UBR2: variants seen among roughly 807,000 people sequenced by gnomAD.
The protein encoded by UBR2 is E3 ubiquitin-protein ligase UBR2.
A neutral mutation model predicts 247.9 loss-of-function variants in UBR2; 92 were observed. The observed-to-expected ratio is 0.37, with a 90% confidence interval of 0.31 to 0.44. The LOEUF (loss-of-function observed/expected upper bound fraction) is 0.44. Among genes scored for constraint, UBR2 ranks in the 20% least tolerant of loss-of-function variants. UBR2 has a pLI of 1.00. For missense variants in UBR2, 1,613 were observed against 2,112.6 expected (o/e 0.76, Z 4.64); for synonymous variants, 672 against 693.5 (o/e 0.97, Z 0.49).
chr6:42,578,493 G>A (rs1791662780), intron 2 of UBR2, among the ~76,000 whole-genome samples: 1 of 152,062 alleles, frequency 6.6e-6, no homozygotes, highest in East Asian at 1.9e-4. Context: ...AGTGTCTTTA[G>A]CAATGATTTT....
intron 2 of UBR2, among the ~76,000 whole-genome samples, chr6:42,586,207 A>C (rs992047195): frequency 2.6e-5 from 4 of 151,856 alleles, no homozygotes; most frequent in Non-Finnish European, 5.9e-5. Flanking sequence ...TCTACCAAAA[A>C]AAAAAAAATA....
In UBR2 at chr6:42,632,873, A is replaced by G; in HGVS notation, c.1514A>G (p.Asp505Gly). The change falls in exon 13 of 47, where the codon GAT becomes GGT. Residue 505 changes from aspartate to glycine, a missense_variant. Around this residue, in one of 3 missense-constraint regions of UBR2, gnomAD observed 1,524 missense variants for 1,967.3 expected, o/e 0.77. Coordinates refer to ENST00000372901, the MANE Select transcript of UBR2 (RefSeq NM_001363705.2). ...AGGCAGAAGTTCCTAGAAGGGTTTG[A>G]TGCCTTTTTGGAATTACTAAAATGT... is the stretch of plus-strand genomic sequence containing the variant. ...ELRQKFLEGF[D>G]AFLELLKCMQ... 1.3e-6 allele frequency: 2 copies of G among 1,588,444 alleles called. No individual in the cohort carries two copies. The highest frequency in any genetic ancestry group is 2.7e-5 in the African/African-American group (2 of 73,216).
rs1796356829 is a variant in UBR2 at position 42,640,386 on chromosome 6, GTGTGT to G, written c.1920+117_1920+121del. On this transcript the variant is annotated intron_variant, in intron 16 of 46. Transcript: ENST00000372901. ...TCCAGAGGAACAGAACCAGTAAGGT[GTGTGT>G]GTGTGTGTGTGTGTGTGTGTGTGTG... 6.1e-3 allele frequency: 2,822 copies of G among 461,184 alleles called. 149 individuals carry two copies. The highest frequency in any genetic ancestry group is 0.013 in the African/African-American group (560 of 44,290). 28.6% of individuals were successfully genotyped at this position (461,184 alleles called of 1,614,324 possible). A position where few individuals can be genotyped will look rare whatever the true frequency, so the allele number is the denominator to read the frequency against.
At chr6:42,587,144 A>C (rs1792339331) in intron 2 of UBR2, among the ~76,000 whole-genome samples, 3 of 152,122 alleles carry the variant, frequency 2.0e-5, no homozygotes, top group Middle Eastern at 6.8e-3. Context: ...CTTACAATGC[A>C]ATGTTACAAT....
intron 34 of UBR2, among the ~76,000 whole-genome samples, chr6:42,667,067 AC>A (rs1251688977): frequency 6.6e-6 from 1 of 152,062 alleles, no homozygotes; most frequent in Non-Finnish European, 1.5e-5. Context: ...ATAGAAAAAA[AC>A]ATCATGCCTA....
In UBR2 at chr6:42,691,108, G is replaced by A. The variant is rs1799729391; in HGVS notation, c.5203G>A (p.Glu1735Lys). 6.2e-7 allele frequency: 1 copy of A among 1,614,236 alleles called. No homozygotes were observed. The highest frequency in any genetic ancestry group is 8.5e-7 in the Non-Finnish European group (1 of 1,180,044). Reference sequence around the variant, plus strand: ...GCTCTGGCACCAACACAGTGTCACAGAGGAAATTGGACATGCACAGGAAGC... The same window carrying A: ...GCTCTGGCACCAACACAGTGTCACAAAGGAAATTGGACATGCACAGGAAGC... ...QKLWHQHSVT[E>K]EIGHAQEANQ... The change falls in exon 47 of 47, where the codon GAG becomes AAG. Residue 1735 changes from glutamate (E) to lysine (K), a missense_variant. Transcript: ENST00000372901.
chr6:42,599,622 TTG>T (rs1793230077), intron 4 of UBR2, among the ~76,000 whole-genome samples: 1 of 18,864 alleles, frequency 5.3e-5, no homozygotes, highest in Non-Finnish European at 1.1e-4. Flanking sequence ...GTTTTTTTTG[TTG>T]TTGTTGTTGT....
intron 38 of UBR2, among the ~76,000 whole-genome samples, chr6:42,674,633 A>C (rs1034788212): frequency 5.3e-5 from 8 of 152,050 alleles, no homozygotes; most frequent in Non-Finnish European, 1.2e-4. Context: ...GTGGTGGCAC[A>C]TGCCTGTAAT....
chr6:42,666,557 A>G (rs1415643669), intron 34 of UBR2, among the ~76,000 whole-genome samples: 2 of 152,100 alleles, frequency 1.3e-5, no homozygotes, highest in East Asian at 1.9e-4. Context: ...AAAAAAATCT[A>G]AGAACCATGT....
intron 11 of UBR2, chr6:42,620,438 A>C (rs943175043): frequency 1.3e-5 from 2 of 151,028 alleles, no homozygotes; most frequent in African/African-American, 4.9e-5. Flanking sequence ...ATATACTACA[A>C]ATATTTTTTC....
At chr6:42,573,575 T>C (rs555817628) in intron 1 of UBR2, among the ~76,000 whole-genome samples, 159 bp from the exon 2 acceptor site, 5 of 152,336 alleles carry the variant, frequency 3.3e-5, no homozygotes, top group African/African-American at 9.6e-5. Flanking sequence ...CTTGGCATTT[T>C]AATAGATTAA....
intron 44 of UBR2, among the ~76,000 whole-genome samples, chr6:42,685,579 C>T (rs1268349158): frequency 6.6e-6 from 1 of 151,746 alleles, no homozygotes; most frequent in Non-Finnish European, 1.5e-5. Flanking sequence ...ATTCTTGTAC[C>T]TCAGCCTCCT....
At chr6:42,630,099 G>A (rs1434013389) in intron 11 of UBR2, among the ~76,000 whole-genome samples, 3 of 151,232 alleles carry the variant, frequency 2.0e-5, no homozygotes, top group Non-Finnish European at 4.4e-5. Context: ...ATGAACCATC[G>A]TAGTAGTAGT....
chr6:42,565,715 C>G (rs1790739898), intron 1 of UBR2, among the ~76,000 whole-genome samples: 1 of 152,048 alleles, frequency 6.6e-6, no homozygotes, highest in Admixed American at 6.6e-5. Context: ...CATGCACCAC[C>G]ACGCCCGGCT....
intron 1 of UBR2, among the ~76,000 whole-genome samples, chr6:42,572,886 G>A (rs1262595171): frequency 6.6e-6 from 1 of 152,064 alleles, no homozygotes; most frequent in Non-Finnish European, 1.5e-5. Flanking sequence ...TATATTTTTA[G>A]TAGAGAAGAG....
chr6:42,619,453 A>ATATATATATATATATATAT, intron 11 of UBR2: 1 of 23,716 alleles, frequency 4.2e-5, no homozygotes, highest in African/African-American at 1.2e-4. Context: ...ATATATATAT[A>ATATATATATATATATATAT]TTTTTTTTTT....
intron 11 of UBR2, among the ~76,000 whole-genome samples, chr6:42,620,615 A>G (rs1794928412): frequency 6.9e-6 from 1 of 144,984 alleles, no homozygotes; most frequent in East Asian, 2.1e-4. Context: ...ATGCGTGCCC[A>G]GCTAAGTTTT....
At position 42,583,013 on chromosome 6, in the gene UBR2, A is replaced by G. The variant is rs1792009837; in HGVS notation, c.338+9020A>G. Among the ~76,000 whole-genome samples, 4 of 151,856 alleles carry G rather than the reference A, an allele frequency of 2.6e-5. No individual in the cohort carries two copies. The South Asian group carries it at 8.3e-4, about 31-fold the overall frequency. On this transcript the variant is annotated intron_variant, in intron 2 of 46. Transcript: ENST00000372901. ...CCATTTTTGGGTTGTTTATCTTTTC[A>G]TTATCTTTATTCACTTTTGGAGTTC... is the stretch of plus-strand genomic sequence containing the variant.
At chr6:42,682,441 ATTTTTT>A (rs869058518) in intron 42 of UBR2, among the ~76,000 whole-genome samples, 1 of 145,026 alleles carries the variant, frequency 6.9e-6, no homozygotes, top group East Asian at 2.0e-4. Context: ...AAAAAAAAAA[ATTTTTT>A]TTTTTTTAAG....
Sources: gnomAD v4.1 joint callset for allele counts (sites outside exome capture counted in the v4.1 genomes callset) on GRCh38, gnomAD v4.1.1 for gene constraint, gnomAD v4.1.1 regional missense constraint, MANE v1.5 for transcripts, NCBI Gene and HGNC (gene_info 2026-07-23, HGNC 2026-07-21) for gene names.